The following SKAP2 variants were observed in gnomAD, a reference collection of about 807,000 sequenced individuals.
SKAP2 encodes src kinase associated phosphoprotein 2, also known as src kinase-associated phosphoprotein 2.
In SKAP2, 28 loss-of-function variants were observed where a neutral mutation model predicts 54.9. The ratio of observed to expected loss-of-function variants is 0.51; its 90% confidence interval spans 0.38 to 0.70. The LOEUF (loss-of-function observed/expected upper bound fraction) is 0.70, where lower values mean the gene tolerates loss of function less well. Among genes scored for constraint, SKAP2 ranks in the 30% least tolerant of loss-of-function variants. The pLI, the probability that SKAP2 is intolerant of heterozygous loss-of-function variation, is 0.00. For missense variants in SKAP2, 356 were observed against 424.1 expected (o/e 0.84, Z 1.41); for synonymous variants, 137 against 134.3 (o/e 1.02, Z -0.14).
intron 4 of SKAP2, among the ~76,000 whole-genome samples, chr7:26,766,384 G>C (rs184905254): frequency 1.7e-4 from 26 of 152,192 alleles, no homozygotes; most frequent in African/African-American, 6.0e-4. Context: ...CAGACGATGG[G>C]GTTTTCTAAA....
chr7:26,720,088 ACACAC>A (rs1370098402), intron 9 of SKAP2, among the ~76,000 whole-genome samples: 1 of 148,086 alleles, frequency 6.8e-6, no homozygotes, highest in Non-Finnish European at 1.5e-5. Flanking sequence ...ACACACACAC[ACACAC>A]ATCCCAGTTA....
intron 4 of SKAP2, among the ~76,000 whole-genome samples, chr7:26,836,702 G>A (rs1415246031): frequency 6.6e-6 from 1 of 152,218 alleles, no homozygotes; most frequent in Non-Finnish European, 1.5e-5. Context: ...TGCTGGAGAG[G>A]ATGTGGAGAA....
intron 1 of SKAP2, among the ~76,000 whole-genome samples, chr7:26,859,354 T>C (rs1785235979): frequency 6.6e-6 from 1 of 151,420 alleles, no homozygotes; most frequent in South Asian, 2.1e-4. Context: ...TAAAAATCAA[T>C]TAAACTGGGC....
intron 4 of SKAP2, among the ~76,000 whole-genome samples, chr7:26,843,419 C>T (rs751639373): frequency 2.6e-5 from 4 of 151,942 alleles, no homozygotes; most frequent in Non-Finnish European, 5.9e-5. Flanking sequence ...AGTTTCATAA[C>T]TTTGGCAACA....
At chr7:26,687,539 A>G (rs1026642422) in intron 10 of SKAP2, among the ~76,000 whole-genome samples, 11 of 151,774 alleles carry the variant, frequency 7.2e-5, no homozygotes, top group East Asian at 1.9e-4. Context: ...AAGTAGGGGG[A>G]AAAAAAACCC....
chr7:26,828,784 T>G (rs1255948784), intron 4 of SKAP2, among the ~76,000 whole-genome samples: 1 of 151,810 alleles, frequency 6.6e-6, no homozygotes. Context: ...CCCAGCACTT[T>G]AGGAGGCCGG....
intron 4 of SKAP2, among the ~76,000 whole-genome samples, chr7:26,745,052 A>G (rs10486473): frequency 0.085 from 12,921 of 152,178 alleles, 613 homozygotes; most frequent in Middle Eastern, 0.16. Context: ...GACTTTATGC[A>G]AAATTACGAC....
At chr7:26,843,087 T>G (rs1584422096) in intron 4 of SKAP2, among the ~76,000 whole-genome samples, 1 of 152,176 alleles carries the variant, frequency 6.6e-6, no homozygotes, top group Middle Eastern at 3.4e-3. Flanking sequence ...GACATAATTT[T>G]ATACCTCATA....
Position 26,833,686 on chromosome 7 carries a change from T to C in SKAP2, c.307+10344A>G, listed in dbSNP as rs1040099275. 2.0e-5 allele frequency among the ~76,000 whole-genome samples: 3 copies of C among 152,122 alleles called. No homozygotes were observed. In the South Asian group the frequency reaches 6.2e-4, roughly 31 times the overall value. On this transcript the variant is annotated intron_variant, in intron 4 of 12. Transcript: ENST00000345317. ...AGAAGAGCTAACTATCCTAAATATA[T>C]ATGCACCCAATACAGGAGCACCCAG...
At position 26,667,995 on chromosome 7, in the gene SKAP2, T is replaced by C. The variant is rs1786139636; in HGVS notation, c.*1671A>G. 6.6e-6 allele frequency: 1 copy of C among 152,194 alleles called. No homozygotes were observed. The highest frequency in any genetic ancestry group is 2.4e-5 in the African/African-American group (1 of 41,468). 9.4% of individuals were successfully genotyped at this position (152,194 alleles called of 1,614,324 possible). A position where few individuals can be genotyped will look rare whatever the true frequency, so the allele number is the denominator to read the frequency against. On this transcript the variant is annotated 3_prime_UTR_variant, in exon 13 of 13. Coordinates refer to ENST00000345317, the MANE Select transcript of SKAP2 (RefSeq NM_003930.5). ...GCACAAATGTAACTTCTGAAAACTT[T>C]AACTTCACAATGTCTCTCTATATAA... is the stretch of plus-strand genomic sequence containing the variant.
chr7:26,676,936 T>C (rs1284078003), intron 11 of SKAP2, among the ~76,000 whole-genome samples: 1 of 152,192 alleles, frequency 6.6e-6, no homozygotes, highest in Admixed American at 6.5e-5. Flanking sequence ...GATAAAAGAA[T>C]GTGCTGTGTT....
intron 10 of SKAP2, among the ~76,000 whole-genome samples, chr7:26,687,759 T>C (rs1417846001): frequency 9.9e-5 from 15 of 152,138 alleles, no homozygotes; most frequent in Admixed American, 9.2e-4. Flanking sequence ...AAGTTAACAC[T>C]GTTCACCCCT....
the SKAP2 span, among the ~76,000 whole-genome samples, chr7:26,658,071 C>A: frequency 6.6e-6 from 1 of 152,186 alleles, no homozygotes; most frequent in Non-Finnish European, 1.5e-5. Context: ...GATAGTACTG[C>A]AGTCGACTTC....
At chr7:26,707,181 G>C (rs1787179873) in intron 9 of SKAP2, among the ~76,000 whole-genome samples, 1 of 151,956 alleles carries the variant, frequency 6.6e-6, no homozygotes, top group South Asian at 2.1e-4. Flanking sequence ...GCAACATAGT[G>C]AAATCTTGTC....
chr7:26,719,768 C>T (rs1279227126), intron 9 of SKAP2, among the ~76,000 whole-genome samples: 1 of 152,102 alleles, frequency 6.6e-6, no homozygotes, highest in Non-Finnish European at 1.5e-5. Context: ...TCTCTTAAAA[C>T]CTAGAAACAT....
chr7:26,829,359 C>A (rs1438132942), intron 4 of SKAP2, among the ~76,000 whole-genome samples: 2 of 152,042 alleles, frequency 1.3e-5, no homozygotes, highest in East Asian at 3.9e-4. Flanking sequence ...AAAAGTGAAA[C>A]CCTGTCTCTA....
chr7:26,664,635 T>C (rs563236971), downstream of SKAP2, among the ~76,000 whole-genome samples: 20 of 151,178 alleles, frequency 1.3e-4, no homozygotes, highest in Middle Eastern at 3.4e-3. Flanking sequence ...GATATTTTTA[T>C]ATTAGAAAGT....
At position 26,733,790 on chromosome 7, in the gene SKAP2, A is replaced by C. The variant is rs978097422; in HGVS notation, c.469+5005T>G. Among the ~76,000 whole-genome samples the C allele has an allele frequency of 3.9e-5, 6 of 152,180 alleles. No individual in the cohort carries two copies. In the South Asian group the frequency reaches 1.2e-3, roughly 31 times the overall value. The stretch of plus-strand genomic sequence containing the variant: ...AAAGATATTACAATGAAAAAATTAA[A>C]ACCATATGATGTAAGAAATAACCTT... On this transcript the variant is annotated intron_variant, in intron 6 of 12. Coordinates refer to ENST00000345317, the MANE Select transcript of SKAP2 (RefSeq NM_003930.5).
intron 4 of SKAP2, among the ~76,000 whole-genome samples, chr7:26,798,409 A>C (rs1019345917): frequency 2.6e-5 from 4 of 152,032 alleles, no homozygotes; most frequent in African/African-American, 9.7e-5. Context: ...TGCAATTGGC[A>C]TACTGAAGAA....
Sources: allele counts gnomAD v4.1 joint callset (sites outside exome capture counted in the v4.1 genomes callset), GRCh38; gene constraint gnomAD v4.1.1; transcripts MANE v1.5; gene names NCBI Gene and HGNC (gene_info 2026-07-23, HGNC 2026-07-21).